The following WDR76 variants were observed in gnomAD, a reference collection of about 807,000 sequenced individuals.
WDR76 encodes the protein WD repeat-containing protein 76.
WDR76 carries 52 observed loss-of-function variants against 70.2 expected under a neutral mutation model. The ratio of observed to expected loss-of-function variants is 0.74; its 90% CI spans 0.59 to 0.93. The LOEUF (loss-of-function observed/expected upper bound fraction) is 0.93. WDR76 is among the 40% of genes least tolerant of loss of function. WDR76 has a pLI of 0.00. For missense variants in WDR76, 756 were observed against 760.2 expected (o/e 0.99, Z 0.07); for synonymous variants, 292 against 271.1 (o/e 1.08, Z -0.76).
chr15:43,840,805 C>G (rs2087714920), intron 5 of WDR76, among the ~76,000 whole-genome samples: 2 of 151,926 alleles, frequency 1.3e-5, no homozygotes, highest in Admixed American at 1.3e-4. Flanking sequence ...ATCAAGAGAC[C>G]CTGTTCTTAC....
At chr15:43,865,205 C>T (rs2088055264) in intron 12 of WDR76, among the ~76,000 whole-genome samples, 2 of 146,198 alleles carry the variant, frequency 1.4e-5, no homozygotes, top group African/African-American at 2.5e-5. Context: ...AAGCAATTCT[C>T]CTGCCTCAGC....
At position 43,827,675 on chromosome 15, in the gene WDR76, G is replaced by T. The variant is rs746385639; in HGVS notation, c.61-290G>T. 2.0e-5 allele frequency among the ~76,000 whole-genome samples: 3 copies of T among 152,174 alleles called. No individual in the cohort carries two copies. In the East Asian group the frequency reaches 5.8e-4, roughly 29 times the overall value. On this transcript the variant is annotated intron_variant, in intron 1 of 12. Transcript: ENST00000263795. ...TTCTTCTGCCTCAGCCTCCTGAGTA[G>T]CTGGGACTACAGGCGTGTGCCACTA...
rs2088072539 is a variant in WDR76, at chr15:43,866,442, A to G, written c.*50A>G. 3 of 1,600,098 alleles carry G rather than the reference A, an allele frequency of 1.9e-6. No homozygotes were observed. The highest frequency in any genetic ancestry group is 2.2e-5 in the East Asian group (1 of 44,614). On this transcript the variant is annotated 3_prime_UTR_variant, in exon 13 of 13. Coordinates refer to ENST00000263795, the MANE Select transcript of WDR76 (RefSeq NM_024908.4). Reference sequence around the variant, plus strand: ...TGTTCAAATTGACCACTGTCTAAGGAGCCTAGTAATCGGCGTGCCTTAGTG... The same window carrying G: ...TGTTCAAATTGACCACTGTCTAAGGGGCCTAGTAATCGGCGTGCCTTAGTG...
chr15:43,860,029 T>TC (rs2087976648), intron 11 of WDR76, among the ~76,000 whole-genome samples: 1 of 152,140 alleles, frequency 6.6e-6, no homozygotes, highest in Non-Finnish European at 1.5e-5. Flanking sequence ...GGTGGGAGGA[T>TC]CACTTGAGCC....
Position 43,866,746 on chromosome 15 carries a change from A to C in WDR76, c.*354A>C, listed in dbSNP as rs1595458191. The C allele has an allele frequency of 5.3e-6, 1 of 188,554 alleles. No individual in the cohort carries two copies. The highest frequency in any genetic ancestry group is 1.1e-5 in the Non-Finnish European group (1 of 91,036). The allele number at this position is 188,554 out of a possible 1,614,324, so 11.7% of individuals were successfully genotyped here. ...GGTTCAAGCGATTCTCCTGCCTCAG[A>C]CTCCTAAGTAGCTGGGATTACAGGC... On this transcript the variant is annotated 3_prime_UTR_variant, in exon 13 of 13. Transcript: ENST00000263795.
chr15:43,849,874 G>C (rs1043868467), intron 8 of WDR76, among the ~76,000 whole-genome samples: 1 of 151,964 alleles, frequency 6.6e-6, no homozygotes, highest in Non-Finnish European at 1.5e-5. Flanking sequence ...GTACATTTCT[G>C]CATTGTTTGA....
At chr15:43,838,663 T>G (rs1300470383) in intron 4 of WDR76, among the ~76,000 whole-genome samples, 3 of 152,216 alleles carry the variant, frequency 2.0e-5, no homozygotes, top group Non-Finnish European at 4.4e-5. Context: ...ACAGCTTTAT[T>G]TCGTTCTTTT....
At chr15:43,832,056 T>C (rs2087596517) in intron 2 of WDR76, among the ~76,000 whole-genome samples, 1 of 152,148 alleles carries the variant, frequency 6.6e-6, no homozygotes, top group Non-Finnish European at 1.5e-5. Flanking sequence ...CCAGAAAAAG[T>C]CTTTAGCTTT....
At chr15:43,841,208 T>G (rs924692661) in intron 5 of WDR76, among the ~76,000 whole-genome samples, 12 of 147,292 alleles carry the variant, frequency 8.1e-5, no homozygotes, top group South Asian at 6.4e-4. Context: ...TTTGTTTTTT[T>G]TTTTTTTTTT....
intron 2 of WDR76, among the ~76,000 whole-genome samples, chr15:43,830,392 G>A (rs1419372814): frequency 4.0e-5 from 6 of 151,682 alleles, no homozygotes; most frequent in South Asian, 2.1e-4. Flanking sequence ...GAGAAACCCC[G>A]TCTCTACCAA....
intron 5 of WDR76, among the ~76,000 whole-genome samples, 194 bp downstream of exon 5, chr15:43,839,922 A>G (rs1292158749): frequency 1.3e-5 from 2 of 152,068 alleles, no homozygotes; most frequent in Admixed American, 6.6e-5. Context: ...CAGTGGCATG[A>G]TCTTGCCTCA....
intron 8 of WDR76, among the ~76,000 whole-genome samples, chr15:43,848,097 A>G (rs1333183829): frequency 2.6e-5 from 4 of 151,114 alleles, no homozygotes; most frequent in Admixed American, 1.3e-4. Context: ...AAAAAACTGG[A>G]TGTAGTGGTG....
At chr15:43,866,009 A>C in intron 12 of WDR76, 119 bp from the exon 13 acceptor site, 1 of 1,244,156 alleles carries the variant, frequency 8.0e-7, no homozygotes, top group South Asian at 1.5e-5. Context: ...CAGTAACTTA[A>C]TGAGAAGAAA....
chr15:43,850,456 C>T (rs927232260), intron 8 of WDR76, among the ~76,000 whole-genome samples: 9 of 151,884 alleles, frequency 5.9e-5, no homozygotes, highest in African/African-American at 2.2e-4. Flanking sequence ...CCACCACGCC[C>T]GGCTAGTTTT....
At chr15:43,837,209 G>A (rs1410041320) in intron 4 of WDR76, among the ~76,000 whole-genome samples, 1 of 152,152 alleles carries the variant, frequency 6.6e-6, no homozygotes, top group Non-Finnish European at 1.5e-5. Context: ...GGTATCATTA[G>A]CTCATTTGTT....
chr15:43,831,272 C>G (rs532233305), intron 2 of WDR76, among the ~76,000 whole-genome samples: 1 of 151,958 alleles, frequency 6.6e-6, no homozygotes, highest in Non-Finnish European at 1.5e-5. Context: ...GCTGGGACTA[C>G]AGGCATGTGC....
At chr15:43,835,501 A>ACAG (rs1490121201) in intron 3 of WDR76, among the ~76,000 whole-genome samples, 1 of 150,688 alleles carries the variant, frequency 6.6e-6, no homozygotes, top group African/African-American at 2.4e-5. Context: ...AACAGCAACA[A>ACAG]CAAGAGCCGT....
chr15:43,859,961 C>G (rs1158512086), intron 11 of WDR76, among the ~76,000 whole-genome samples: 1 of 152,162 alleles, frequency 6.6e-6, no homozygotes, highest in Non-Finnish European at 1.5e-5. Context: ...ATAAAAATTC[C>G]TCTCTTTGGC....
At chr15:43,834,474 T>A (rs1274666555) in intron 2 of WDR76, among the ~76,000 whole-genome samples, 1 of 151,406 alleles carries the variant, frequency 6.6e-6, no homozygotes, top group Admixed American at 6.6e-5. Flanking sequence ...CTAATTTTTT[T>A]TTTTTTTTTG....
Sources: gnomAD v4.1 joint callset for allele counts (sites outside exome capture counted in the v4.1 genomes callset) on GRCh38, gnomAD v4.1.1 for gene constraint, MANE v1.5 for transcripts, NCBI Gene and HGNC (gene_info 2026-07-23, HGNC 2026-07-21) for gene names.